The following UNC93A variants were observed in gnomAD, a reference collection of about 807,000 sequenced individuals.
UNC93A encodes the protein unc-93 homolog A, also known as N-acetylglucosamine transporter UNC93A.
UNC93A carries 43 observed loss-of-function variants against 47.5 expected under a neutral mutation model. The ratio of observed to expected loss-of-function variants is 0.91; its 90% CI spans 0.71 to 1.17. UNC93A has a LOEUF of 1.17. Ranked by LOEUF, UNC93A falls within the 50% of genes most tolerant of loss-of-function variation. UNC93A has a pLI of 0.00. For synonymous variants in UNC93A, 280 were observed against 258.0 expected (o/e 1.09, Z -0.82); for missense variants, 605 against 577.6 (o/e 1.05, Z -0.49).
chr6:167,271,436 G>C (rs1197374634), exon 1 of UNC93A: 2 of 152,314 alleles, frequency 1.3e-5, no homozygotes, highest in Non-Finnish European at 2.9e-5. Context: ...ATTAATGAAA[G>C]GGCCATTCAG....
chr6:167,300,100 C>T (rs1217146420), intron 4 of UNC93A, among the ~76,000 whole-genome samples: 1 of 152,104 alleles, frequency 6.6e-6, no homozygotes, highest in East Asian at 1.9e-4. Context: ...GGAAGATGAG[C>T]TCAGGCCGGG....
upstream of UNC93A, among the ~76,000 whole-genome samples, chr6:167,289,253 C>T (rs1783799008): frequency 6.6e-6 from 1 of 152,174 alleles, no homozygotes; most frequent in South Asian, 2.1e-4. Context: ...TAAGAGTGTC[C>T]CTTTGTTTAT....
At chr6:167,294,328 G>T (rs1000289466) in intron 1 of UNC93A, among the ~76,000 whole-genome samples, 189 bp from the exon 2 acceptor site, 1 of 152,186 alleles carries the variant, frequency 6.6e-6, no homozygotes, top group Admixed American at 6.5e-5. Context: ...CACACTAACT[G>T]CTTTATTCCG....
chr6:167,299,494 C>T (rs1197663524), intron 4 of UNC93A, among the ~76,000 whole-genome samples: 1 of 152,200 alleles, frequency 6.6e-6, no homozygotes, highest in Admixed American at 6.5e-5. Context: ...GTGTACTGAG[C>T]ACGTGCTAGG....
At position 167,291,680 on chromosome 6, in the gene UNC93A, G is replaced by C. The variant is rs1445052801; in HGVS notation, c.87+104G>C. 3.6e-6 allele frequency: 4 copies of C among 1,105,486 alleles called. No homozygotes were observed. The East Asian group carries it at 9.7e-5, about 27-fold the overall frequency. The allele number at this position is 1,105,486 out of a possible 1,614,324, so 68.5% of individuals were successfully genotyped here. On this transcript the variant is annotated intron_variant, in intron 1 of 7. Transcript: ENST00000230256. ...GAAATTTGAAAAATCTAATTCACCT[G>C]GTGTTTCTTTTTCACTCTGTACCAA...
chr6:167,295,663 A>C (rs147739524), intron 2 of UNC93A, among the ~76,000 whole-genome samples: 3,894 of 20,916 alleles, frequency 0.19, 408 homozygotes, highest in African/African-American at 0.38. Context: ...CTCCCTCGTG[A>C]TCCTCGCCTG....
chr6:167,270,842 A>T (rs577658294), upstream of UNC93A, among the ~76,000 whole-genome samples: 170 of 152,242 alleles, frequency 1.1e-3, 1 homozygote, highest in South Asian at 2.7e-3. Context: ...CTGCAGAGGG[A>T]GCCTGGCCCG....
At chr6:167,292,689 G>T (rs889394843) in intron 1 of UNC93A, among the ~76,000 whole-genome samples, 11 of 152,208 alleles carry the variant, frequency 7.2e-5, no homozygotes, top group African/African-American at 2.7e-4. Context: ...GCTTTGCCCA[G>T]AACTTTGTGT....
upstream of UNC93A, among the ~76,000 whole-genome samples, chr6:167,288,449 T>TACACACAC (rs10586281): frequency 0.018 from 2,444 of 134,782 alleles, 36 homozygotes; most frequent in East Asian, 0.037. Context: ...TGTTCTTCCT[T>TACACACAC]ACACACACAC....
Position 167,291,413 on chromosome 6 carries a change from C to G in UNC93A, c.-77C>G, listed in dbSNP as rs56077084. The G allele has an allele frequency of 7.6e-7, 1 of 1,310,530 alleles. No homozygotes were observed. Among genetic ancestry groups the G allele is most frequent in the Non-Finnish European group, 1.1e-6 (1 of 923,848 alleles). The allele number at this position is 1,310,530 out of a possible 1,614,324, so 81.2% of individuals were successfully genotyped here. A position where few individuals can be genotyped will look rare whatever the true frequency, so the allele number is the denominator to read the frequency against. On this transcript the variant is annotated 5_prime_UTR_variant, in exon 1 of 8. Coordinates refer to ENST00000230256, the MANE Select transcript of UNC93A (RefSeq NM_018974.4). The stretch of plus-strand genomic sequence containing the variant: ...GGACTTCTTGGTACTGATTGTTTTT[C>G]CCATGCCTCAATTGGTTTCTTTTAG...
chr6:167,279,270 AAG>A (rs1413232373), intron 1 of UNC93A, among the ~76,000 whole-genome samples: 9 of 152,152 alleles, frequency 5.9e-5, no homozygotes, highest in African/African-American at 2.2e-4. Flanking sequence ...GATAGAGAGA[AAG>A]AGAGAGGGAC....
chr6:167,279,287 T>A (rs186452420), intron 1 of UNC93A, among the ~76,000 whole-genome samples: 128 of 152,324 alleles, frequency 8.4e-4, no homozygotes, highest in Middle Eastern at 3.4e-3. Flanking sequence ...AGGGACATTC[T>A]GTCCTGTCTA....
intron 1 of UNC93A, among the ~76,000 whole-genome samples, chr6:167,279,783 C>T (rs1318808977): frequency 6.6e-6 from 1 of 152,146 alleles, no homozygotes; most frequent in Non-Finnish European, 1.5e-5. Flanking sequence ...TTTTAGTTTG[C>T]ACATAGTAGA....
At chr6:167,285,440 A>G (rs1783710044) in intron 1 of UNC93A, among the ~76,000 whole-genome samples, 1 of 151,734 alleles carries the variant, frequency 6.6e-6, no homozygotes, top group African/African-American at 2.4e-5. Context: ...CCAGGAGGGG[A>G]AGTGAGCTGG....
At chr6:167,269,666 G>GCACAATCTCGGCTCACTGC (rs1783420391), upstream of UNC93A, among the ~76,000 whole-genome samples, 2 of 152,190 alleles carry the variant, frequency 1.3e-5, no homozygotes, top group African/African-American at 4.8e-5. Flanking sequence ...GAGTGCAGTG[G>GCACAATCTCGGCTCACTGC]CACAATCTCG....
chr6:167,312,128 G>T (rs1002422929), intron 7 of UNC93A, among the ~76,000 whole-genome samples: 1 of 152,128 alleles, frequency 6.6e-6, no homozygotes, highest in Non-Finnish European at 1.5e-5. Flanking sequence ...TCTGTAGGCT[G>T]TTCCTTAATT....
At chr6:167,300,468 G>A (rs1207810356) in intron 4 of UNC93A, among the ~76,000 whole-genome samples, 2 of 152,090 alleles carry the variant, frequency 1.3e-5, no homozygotes, top group Admixed American at 6.5e-5. Flanking sequence ...GGAGGCTCAG[G>A]GGGGAGGCTG....
chr6:167,291,705 A>G (rs757038546), intron 1 of UNC93A, 129 bp downstream of exon 1: 3 of 835,156 alleles, frequency 3.6e-6, no homozygotes, highest in Non-Finnish European at 3.7e-6. Context: ...CTCTGTACCA[A>G]ATCCTCTAAA....
chr6:167,299,167 T>C (rs1262917623), intron 4 of UNC93A, among the ~76,000 whole-genome samples: 5 of 147,160 alleles, frequency 3.4e-5, no homozygotes, highest in Non-Finnish European at 7.4e-5. Flanking sequence ...TATATATGCA[T>C]GTACATATAC....
Sources: gnomAD v4.1 joint callset for allele counts (sites outside exome capture counted in the v4.1 genomes callset) on GRCh38, gnomAD v4.1.1 for gene constraint, MANE v1.5 for transcripts, NCBI Gene and HGNC (gene_info 2026-07-23, HGNC 2026-07-21) for gene names.